Variants in BEND7 observed in about 807,000 individuals in gnomAD.
BEND7 encodes BEN domain containing 7.
BEND7 carries 28 observed loss-of-function variants against 50.9 expected under a neutral mutation model. The observed-to-expected ratio is 0.55, with a 90% CI of 0.41 to 0.75. The LOEUF (loss-of-function observed/expected upper bound fraction) is 0.75. Ranked by LOEUF, BEND7 falls within the 30% of genes least tolerant of loss-of-function variation. BEND7 has a pLI of 0.00. For missense variants in BEND7, 477 were observed against 491.3 expected, an observed-to-expected ratio of 0.97 and a Z score of 0.28; for synonymous variants, 170 against 183.9, an observed-to-expected ratio of 0.92 and a Z score of 0.61.
In BEND7 at chr10:13,481,356, G is replaced by A. The variant is rs184541729; in HGVS notation, c.838-232C>T. 2.6e-4 allele frequency among the ~76,000 whole-genome samples: 40 copies of A among 152,284 alleles called. No homozygotes were observed. In the East Asian group the frequency reaches 6.8e-3, roughly 26 times the overall value. On this transcript the variant is annotated intron_variant, in intron 5 of 8. Transcript: ENST00000466271. Reference sequence around the variant, plus strand: ...ATATTGAGCCTTGTCAAAAGCAATGGAAAGAAAATAGCCAAGAGAAGCCTG... The same window carrying A: ...ATATTGAGCCTTGTCAAAAGCAATGAAAAGAAAATAGCCAAGAGAAGCCTG...
chr10:13,528,558 G>T lies in BEND7; in HGVS notation c.-25C>A. 3.0e-6 allele frequency: 3 copies of T among 1,003,508 alleles called. No homozygotes were observed. 62.2% of individuals were successfully genotyped at this position (1,003,508 alleles called of 1,614,324 possible). Reference sequence around the variant, plus strand: ...TGGTGCGGGGAAGGCGGCGGCGGGGGCTGAGGAGGCGGCGGCAGCGGCGGC... The same window carrying T: ...TGGTGCGGGGAAGGCGGCGGCGGGGTCTGAGGAGGCGGCGGCAGCGGCGGC... On this transcript the variant is annotated 5_prime_UTR_variant, in exon 1 of 9. Transcript: ENST00000466271.
Position 13,482,642 on chromosome 10 carries a change from C to T in BEND7, c.838-1518G>A, listed in dbSNP as rs535425073. Among the ~76,000 whole-genome samples, 10 of 152,342 alleles carry T rather than the reference C, an allele frequency of 6.6e-5. No individual in the cohort carries two copies. The East Asian group carries it at 7.7e-4, about 12-fold the overall frequency. On this transcript the variant is annotated intron_variant, in intron 5 of 8. Coordinates refer to ENST00000466271, the MANE Select transcript of BEND7 (RefSeq NM_001369863.1). ...GGTCCCTCCAAAATAGAACTTTTAA[C>T]TGGAATATCCAGAAAGTCATCTCAC...
intron 3 of BEND7, among the ~76,000 whole-genome samples, chr10:13,497,279 C>CA (rs1435831118): frequency 2.0e-5 from 3 of 151,818 alleles, no homozygotes; most frequent in East Asian, 1.9e-4. Context: ...GACAGCCTTG[C>CA]AAAAAAAATT....
Position 13,470,711 on chromosome 10 carries a change from C to G in BEND7, c.1063+10188G>C, listed in dbSNP as rs2074730359. The stretch of plus-strand genomic sequence containing the variant: ...GTGAAGCGTAGACTCACTGTGGCCC[C>G]AACGGCAGGGATCCGAATTCATAAG... On this transcript the variant is annotated intron_variant, in intron 6 of 8. Coordinates refer to ENST00000466271, the MANE Select transcript of BEND7 (RefSeq NM_001369863.1). Among the ~76,000 whole-genome samples the G allele has an allele frequency of 2.6e-5, 4 of 152,190 alleles. 1 individual carries two copies. The highest frequency in any genetic ancestry group is 2.6e-4 in the Admixed American group (4 of 15,270).
At chr10:13,508,033 C>A (rs1473823945) in intron 2 of BEND7, among the ~76,000 whole-genome samples, 1 of 152,184 alleles carries the variant, frequency 6.6e-6, no homozygotes, top group Non-Finnish European at 1.5e-5. Context: ...AAATGGGAGA[C>A]AGGTGGGAGC....
chr10:13,513,690 T>C (rs1363772736), intron 2 of BEND7, among the ~76,000 whole-genome samples: 1 of 152,218 alleles, frequency 6.6e-6, no homozygotes, highest in East Asian at 1.9e-4. Flanking sequence ...CCCCTCCCAT[T>C]CTACTCCACC....
At chr10:13,516,816 C>T (rs574473034) in intron 2 of BEND7, among the ~76,000 whole-genome samples, 24 of 152,216 alleles carry the variant, frequency 1.6e-4, no homozygotes, top group African/African-American at 5.5e-4. Flanking sequence ...AGAGATCAGG[C>T]TAGATGATAG....
chr10:13,458,117 C>CA (rs2131200173), intron 6 of BEND7, among the ~76,000 whole-genome samples: 1 of 152,352 alleles, frequency 6.6e-6, no homozygotes, highest in South Asian at 2.1e-4. Flanking sequence ...AGAGAAATGA[C>CA]AAATGCTCAA....
chr10:13,470,675 ATGAAGCGGTGG>A (rs1459985073), intron 6 of BEND7, among the ~76,000 whole-genome samples: 1 of 152,220 alleles, frequency 6.6e-6, no homozygotes, highest in African/African-American at 2.4e-5. Context: ...AAGGCCGGTG[ATGAAGCGGTGG>A]TGAAGCGTAG....
chr10:13,452,699 TA>T (rs1188117785), intron 6 of BEND7, 41 bp from the exon 7 acceptor site: 1 of 1,503,074 alleles, frequency 6.7e-7, no homozygotes, highest in Middle Eastern at 1.8e-4. Context: ...CCTTAACAAG[TA>T]AAATATGCAG....
intron 6 of BEND7, among the ~76,000 whole-genome samples, chr10:13,456,124 C>T (rs1838905018): frequency 6.6e-6 from 1 of 152,156 alleles, no homozygotes; most frequent in African/African-American, 2.4e-5. Flanking sequence ...CTCTCTACTC[C>T]TCCCCTATCC....
intron 6 of BEND7, among the ~76,000 whole-genome samples, chr10:13,462,679 T>A (rs948913274): frequency 1.3e-4 from 20 of 151,854 alleles, no homozygotes; most frequent in African/African-American, 4.8e-4. Flanking sequence ...AAGGACAGAA[T>A]AAAAGGGTCC....
intron 2 of BEND7, among the ~76,000 whole-genome samples, chr10:13,506,128 T>C (rs890226273): frequency 6.6e-6 from 1 of 152,146 alleles, no homozygotes; most frequent in African/African-American, 2.4e-5. Flanking sequence ...ATAATGGTCC[T>C]GGTTTTCCCG....
At chr10:13,491,812 C>T (rs112910325) in intron 5 of BEND7, among the ~76,000 whole-genome samples, 10 of 152,170 alleles carry the variant, frequency 6.6e-5, no homozygotes, top group South Asian at 2.1e-4. Context: ...TACAGGCCTG[C>T]GGGAGTTCGC....
chr10:13,483,458 T>C (rs759501073), intron 5 of BEND7, among the ~76,000 whole-genome samples: 6 of 152,224 alleles, frequency 3.9e-5, no homozygotes, highest in Non-Finnish European at 7.3e-5. Context: ...GACTGCCCAA[T>C]AGATATTTGT....
In BEND7 at chr10:13,441,541, C is replaced by T; in HGVS notation, c.*202G>A. 1 of 1,410,968 alleles carries T rather than the reference C, an allele frequency of 7.1e-7. No individual in the cohort carries two copies. Among genetic ancestry groups the T allele is most frequent in the South Asian group, 1.6e-5 (1 of 60,662 alleles). The allele number at this position is 1,410,968 out of a possible 1,614,324, so 87.4% of individuals were successfully genotyped here. On this transcript the variant is annotated 3_prime_UTR_variant, in exon 9 of 9. Transcript: ENST00000466271. ...TGGAAGGCAGTGCTTCTGAAGGTTC[C>T]CAGCAGATCTCTTAACAGACCACAG...
At chr10:13,503,704 T>A (rs540722925) in intron 2 of BEND7, among the ~76,000 whole-genome samples, 1 of 137,304 alleles carries the variant, frequency 7.3e-6, no homozygotes, top group Non-Finnish European at 1.6e-5. Flanking sequence ...AGGGTGAGAC[T>A]CCATCTCAAA....
chr10:13,489,662 A>G, intron 5 of BEND7, among the ~76,000 whole-genome samples: 1 of 152,292 alleles, frequency 6.6e-6, no homozygotes, highest in East Asian at 1.9e-4. Context: ...TATTTACAAA[A>G]TATACTGTTT....
Position 13,492,582 on chromosome 10 carries a change from G to C in BEND7, c.837+29C>G, listed in dbSNP as rs967087268. On this transcript the variant is annotated intron_variant, in intron 5 of 8. Coordinates refer to ENST00000466271, the MANE Select transcript of BEND7 (RefSeq NM_001369863.1). The stretch of plus-strand genomic sequence containing the variant: ...AATTCCCAAAAGTTACATAGCATTA[G>C]AGTCAGCAGCCAGAAAATGGCAACT... 1.6e-5 allele frequency: 25 copies of C among 1,611,876 alleles called. 1 individual carries two copies. In the Middle Eastern group the frequency reaches 9.9e-4, roughly 64 times the overall value.
Sources: gnomAD v4.1 joint callset for allele counts (sites outside exome capture counted in the v4.1 genomes callset) on GRCh38, gnomAD v4.1.1 for gene constraint, MANE v1.5 for transcripts, NCBI Gene and HGNC (gene_info 2026-07-23, HGNC 2026-07-21) for gene names.